EDN1: variants seen among roughly 807,000 people sequenced by gnomAD.
The protein encoded by EDN1 is endothelin-1.
EDN1 carries 11 observed loss-of-function variants against 21.7 expected under a neutral mutation model. The observed-to-expected ratio is 0.51, with a 90% CI of 0.32 to 0.84. The LOEUF (loss-of-function observed/expected upper bound fraction) is 0.84. Ranked by LOEUF, EDN1 falls within the 40% of genes least tolerant of loss-of-function variation. EDN1 has a pLI of 0.03. For synonymous variants in EDN1, 85 were observed against 90.6 expected, an observed-to-expected ratio of 0.94 and a Z score of 0.35; for missense variants, 244 against 262.3, an observed-to-expected ratio of 0.93 and a Z score of 0.48.
the EDN1 span, among the ~76,000 whole-genome samples, chr6:12,272,128 G>A: frequency 2.0e-4 from 31 of 152,300 alleles, 1 homozygote; most frequent in East Asian, 5.6e-3. Context: ...GATGGTGTAA[G>A]GCTACCATAA....
chr6:12,276,160 TCAAA>T, the EDN1 span, among the ~76,000 whole-genome samples: 1 of 32,556 alleles, frequency 3.1e-5, no homozygotes, highest in East Asian at 9.0e-4. Flanking sequence ...AGACTCCATC[TCAAA>T]AAAAAAAAAA....
chr6:12,232,768 G>A, the EDN1 span, among the ~76,000 whole-genome samples: 4 of 152,322 alleles, frequency 2.6e-5, no homozygotes, highest in Non-Finnish European at 5.9e-5. Flanking sequence ...TTTATGAACG[G>A]TAGCTGTTGT....
chr6:12,265,900 C>T, the EDN1 span, among the ~76,000 whole-genome samples: 6 of 152,156 alleles, frequency 3.9e-5, no homozygotes, highest in South Asian at 2.1e-4. Context: ...TCTACAGTTG[C>T]GATGGTGCAA....
the EDN1 span, among the ~76,000 whole-genome samples, chr6:12,259,040 A>G: frequency 6.6e-6 from 1 of 152,228 alleles, no homozygotes; most frequent in Non-Finnish European, 1.5e-5. Context: ...TGGGTTAATT[A>G]TATATTCCTG....
the EDN1 span, among the ~76,000 whole-genome samples, chr6:12,279,301 G>A: frequency 6.6e-6 from 1 of 152,106 alleles, no homozygotes; most frequent in African/African-American, 2.4e-5. Context: ...GAGAGGGGAG[G>A]TATGTCCCTG....
At chr6:12,287,583 A>G (rs1164976085), upstream of EDN1, among the ~76,000 whole-genome samples, 1 of 151,792 alleles carries the variant, frequency 6.6e-6, no homozygotes, top group East Asian at 2.0e-4. Flanking sequence ...GGAGAAATGG[A>G]GAGATGGACA....
the EDN1 span, among the ~76,000 whole-genome samples, chr6:12,232,250 ATATAAT>A: frequency 1.5e-4 from 22 of 148,596 alleles, no homozygotes; most frequent in Non-Finnish European, 2.5e-4. Flanking sequence ...AATATAAAAC[ATATAAT>A]TATAATATAC....
chr6:12,240,425 G>A, the EDN1 span, among the ~76,000 whole-genome samples: 11 of 152,164 alleles, frequency 7.2e-5, no homozygotes, highest in African/African-American at 2.7e-4. Flanking sequence ...GAACTATTAT[G>A]TGATTCTCAG....
At chr6:12,243,425 G>A in the EDN1 span, among the ~76,000 whole-genome samples, 1 of 151,908 alleles carries the variant, frequency 6.6e-6, no homozygotes, top group African/African-American at 2.4e-5. Context: ...CACACTGGGG[G>A]TAACTATTAT....
the EDN1 span, among the ~76,000 whole-genome samples, chr6:12,254,029 A>T: frequency 6.6e-6 from 1 of 151,892 alleles, no homozygotes; most frequent in Admixed American, 6.6e-5. Flanking sequence ...GCTTGTTTTC[A>T]TCAAATCTAC....
chr6:12,253,824 C>T, the EDN1 span, among the ~76,000 whole-genome samples: 1 of 152,164 alleles, frequency 6.6e-6, no homozygotes, highest in Non-Finnish European at 1.5e-5. Flanking sequence ...GGCCAAAAAC[C>T]TGGGCATCAT....
chr6:12,246,626 T>C, the EDN1 span, among the ~76,000 whole-genome samples: 1 of 143,584 alleles, frequency 7.0e-6, no homozygotes, highest in African/African-American at 2.6e-5. Context: ...CCTTTCTCTT[T>C]TCCTCCTTTT....
Position 12,292,903 on chromosome 6 carries a change from C to A in EDN1, c.233+394C>A, listed in dbSNP as rs192068846. ...TCATGGGAGGGTGGAGACTGAGAGG[C>A]AGAAGTGATGATATAGAGGGTTAGA... On this transcript the variant is annotated intron_variant, in intron 2 of 4. Coordinates refer to ENST00000379375, the MANE Select transcript of EDN1 (RefSeq NM_001955.5). 9.2e-5 allele frequency among the ~76,000 whole-genome samples: 14 copies of A among 152,232 alleles called. No homozygotes were observed. In the East Asian group the frequency reaches 2.3e-3, roughly 25 times the overall value.
chr6:12,252,765 A>G, the EDN1 span, among the ~76,000 whole-genome samples: 1 of 152,244 alleles, frequency 6.6e-6, no homozygotes, highest in African/African-American at 2.4e-5. Flanking sequence ...TGCAGTGTTC[A>G]CTCCCTACTC....
At chr6:12,243,826 T>A in the EDN1 span, among the ~76,000 whole-genome samples, 1 of 152,206 alleles carries the variant, frequency 6.6e-6, no homozygotes. Flanking sequence ...CATATAACAT[T>A]CTGATTTGAA....
the EDN1 span, among the ~76,000 whole-genome samples, chr6:12,249,811 A>T: frequency 6.6e-6 from 1 of 152,066 alleles, no homozygotes; most frequent in Non-Finnish European, 1.5e-5. Flanking sequence ...GATTTACGAC[A>T]GTCCTACTGC....
At chr6:12,245,400 C>T in the EDN1 span, among the ~76,000 whole-genome samples, 1 of 152,204 alleles carries the variant, frequency 6.6e-6, no homozygotes, top group South Asian at 2.1e-4. Context: ...GCCAGCCAGA[C>T]TCAGCAAACA....
the EDN1 span, among the ~76,000 whole-genome samples, chr6:12,272,570 A>G: frequency 6.9e-6 from 1 of 144,376 alleles, no homozygotes; most frequent in South Asian, 2.2e-4. Flanking sequence ...CAATTCTCCT[A>G]CCTCAGCCTC....
chr6:12,278,330 T>C, the EDN1 span, among the ~76,000 whole-genome samples: 2 of 152,306 alleles, frequency 1.3e-5, no homozygotes, highest in Non-Finnish European at 2.9e-5. Flanking sequence ...CTCAGAGATC[T>C]CTGCCTTCCT....
Sources: allele counts gnomAD v4.1 joint callset (sites outside exome capture counted in the v4.1 genomes callset), GRCh38; gene constraint gnomAD v4.1.1; transcripts MANE v1.5; gene names NCBI Gene and HGNC (gene_info 2026-07-23, HGNC 2026-07-21).